Variants in GALNT14 observed in about 807,000 individuals in gnomAD.
The protein encoded by GALNT14 is polypeptide N-acetylgalactosaminyltransferase 14, also known as UDP-GalNAc:polypeptide N-acetylgalactosaminyltransferase 14.
In GALNT14, 60 loss-of-function variants were observed where a neutral mutation model predicts 77.5. The observed-to-expected ratio is 0.77, with a 90% CI of 0.63 to 0.96. The LOEUF is 0.96. GALNT14 is among the 40% of genes least tolerant of loss of function. The pLI is 0.00. For synonymous variants in GALNT14, 280 were observed against 281.7 expected (o/e 0.99, Z 0.06); for missense variants, 710 against 731.0 (o/e 0.97, Z 0.33).
intron 1 of GALNT14, among the ~76,000 whole-genome samples, chr2:31,089,594 G>A (rs1340673798): frequency 6.6e-6 from 1 of 151,936 alleles, no homozygotes; most frequent in Non-Finnish European, 1.5e-5. Context: ...TTTCTTCACT[G>A]CTTCAAGAAT....
At chr2:30,973,530 G>C (rs1173366031) in intron 2 of GALNT14, among the ~76,000 whole-genome samples, 1 of 152,198 alleles carries the variant, frequency 6.6e-6, no homozygotes, top group Non-Finnish European at 1.5e-5. Context: ...ATCTATGTAA[G>C]GAAGCCTGCT....
the GALNT14 span, among the ~76,000 whole-genome samples, chr2:30,891,952 A>G: frequency 6.8e-6 from 1 of 146,386 alleles, no homozygotes; most frequent in Non-Finnish European, 1.5e-5. Context: ...TAAATCTCCC[A>G]GGCAGGAAAC....
intron 9 of GALNT14, among the ~76,000 whole-genome samples, chr2:30,935,966 G>A (rs1474933840): frequency 6.6e-6 from 1 of 152,148 alleles, no homozygotes; most frequent in African/African-American, 2.4e-5. Context: ...GAACAAAAAA[G>A]AATTGTGTAG....
intron 1 of GALNT14, among the ~76,000 whole-genome samples, chr2:31,088,939 G>C (rs562219505): frequency 6.6e-6 from 1 of 152,312 alleles, no homozygotes; most frequent in East Asian, 1.9e-4. Context: ...GGAAACAGCA[G>C]ATGCAGATAC....
At chr2:30,888,215 T>A in the GALNT14 span, among the ~76,000 whole-genome samples, 1 of 152,226 alleles carries the variant, frequency 6.6e-6, no homozygotes, top group Non-Finnish European at 1.5e-5. Context: ...ACTCTAAGAC[T>A]GAGCTAGCTT....
chr2:30,970,998 G>C (rs751883008), intron 2 of GALNT14, among the ~76,000 whole-genome samples: 1 of 152,144 alleles, frequency 6.6e-6, no homozygotes, highest in Non-Finnish European at 1.5e-5. Flanking sequence ...TCTGGTGCTC[G>C]TCCCTACAGT....
At chr2:31,055,367 T>G (rs1409100897) in intron 1 of GALNT14, among the ~76,000 whole-genome samples, 2 of 152,226 alleles carry the variant, frequency 1.3e-5, no homozygotes, top group Admixed American at 6.5e-5. Context: ...GAATAGCACT[T>G]TAAACGCTTC....
chr2:30,936,671 T>A (rs1055989796), intron 9 of GALNT14, among the ~76,000 whole-genome samples: 1 of 152,164 alleles, frequency 6.6e-6, no homozygotes, highest in Non-Finnish European at 1.5e-5. Context: ...GCAAGTTCTG[T>A]TATTACTCTT....
intron 1 of GALNT14, among the ~76,000 whole-genome samples, chr2:31,037,216 T>C (rs904445864): frequency 6.6e-6 from 1 of 152,210 alleles, no homozygotes; most frequent in African/African-American, 2.4e-5. Flanking sequence ...AGTTAACCTA[T>C]TTGCAAGTTT....
rs374782674 is a variant in GALNT14, at chr2:30,924,113, C to A, written c.1380+6G>T. 25 of 1,614,230 alleles carry A rather than the reference C, an allele frequency of 1.5e-5. No individual in the cohort carries two copies. In the African/African-American group the frequency reaches 3.1e-4, roughly 20 times the overall value. Reference sequence around the variant, plus strand: ...ATGGTCCTGTATGCCCAGCCAGTTACTTTACCTGGGACTTTGCATCTTCGC... The same window carrying A: ...ATGGTCCTGTATGCCCAGCCAGTTAATTTACCTGGGACTTTGCATCTTCGC... On this transcript the variant is annotated splice_donor_region_variant and intron_variant, in intron 13 of 14. Coordinates refer to ENST00000349752, the MANE Select transcript of GALNT14 (RefSeq NM_024572.4).
chr2:30,908,212 G>A (rs1477009487), downstream of GALNT14, among the ~76,000 whole-genome samples: 41 of 151,224 alleles, frequency 2.7e-4, no homozygotes, highest in African/African-American at 1.0e-3. Context: ...TCTGGCCAGG[G>A]CAATCAGGCA....
rs78654916 is a variant in GALNT14, at chr2:30,963,496, C to T, written c.398+2708G>A. On this transcript the variant is annotated intron_variant, in intron 3 of 14. Coordinates refer to ENST00000349752, the MANE Select transcript of GALNT14 (RefSeq NM_024572.4). ...AGCGGCAGGAAGAGGAGAAACATGTCTTAGAGTCTGAGCACAGCAGCTAAG... is the reference window on the plus strand; with the variant it reads ...AGCGGCAGGAAGAGGAGAAACATGTTTTAGAGTCTGAGCACAGCAGCTAAG... 2.7e-3 allele frequency among the ~76,000 whole-genome samples: 410 copies of T among 152,252 alleles called. 3 individuals carry two copies. Among genetic ancestry groups the T allele is most frequent in the African/African-American group, 9.6e-3 (400 of 41,554 alleles).
chr2:31,095,146 C>A (rs1356530422), intron 1 of GALNT14, among the ~76,000 whole-genome samples: 1 of 152,096 alleles, frequency 6.6e-6, no homozygotes, highest in Non-Finnish European at 1.5e-5. Context: ...AAACAGGGGG[C>A]AACAACCCAG....
chr2:30,956,923 C>T (rs575805757), intron 4 of GALNT14, among the ~76,000 whole-genome samples: 144 of 152,314 alleles, frequency 9.5e-4, no homozygotes, highest in African/African-American at 3.2e-3. Context: ...AGCTCACAGA[C>T]CTGCTTTTGG....
rs1054201829 is a variant in GALNT14 at position 31,004,438 on chromosome 2, A to G, written c.130-11431T>C. Among the ~76,000 whole-genome samples the G allele has an allele frequency of 3.9e-5, 6 of 152,320 alleles. 1 individual carries two copies. The highest frequency in any genetic ancestry group is 3.4e-3 in the Middle Eastern group (1 of 294). On this transcript the variant is annotated intron_variant, in intron 1 of 14. Coordinates refer to ENST00000349752, the MANE Select transcript of GALNT14 (RefSeq NM_024572.4). Reference sequence around the variant, plus strand: ...TAGAGCAAAGCTGGAAGTGACTCAGAGAGGGCAGCTTCAGCTGGATGGAGC... The same window carrying G: ...TAGAGCAAAGCTGGAAGTGACTCAGGGAGGGCAGCTTCAGCTGGATGGAGC...
rs1558547371 is a variant in GALNT14 at position 31,072,296 on chromosome 2, C to T, written c.129+65662G>A. ...ACACACACACATACACACACACACA[C>T]ACACACATACACACACACACACACA... On this transcript the variant is annotated intron_variant, in intron 1 of 14. Transcript: ENST00000349752. Among the ~76,000 whole-genome samples, 319 of 65,920 alleles carry T rather than the reference C, an allele frequency of 4.8e-3. 4 individuals carry two copies. Among genetic ancestry groups the T allele is most frequent in the African/African-American group, 0.027 (300 of 10,934 alleles). The allele number at this position is 65,920 out of a possible 152,430, so 43.2% of individuals were successfully genotyped here.
chr2:30,903,590 G>C, the GALNT14 span, among the ~76,000 whole-genome samples: 1 of 152,214 alleles, frequency 6.6e-6, no homozygotes, highest in Non-Finnish European at 1.5e-5. Flanking sequence ...AACAACTGCT[G>C]AGTGAGCTTG....
chr2:31,120,199 T>C (rs1334842765), intron 1 of GALNT14, among the ~76,000 whole-genome samples: 1 of 150,380 alleles, frequency 6.6e-6, no homozygotes, highest in East Asian at 1.9e-4. Context: ...AGCTGACCAG[T>C]AGGATTTCTA....
intron 1 of GALNT14, among the ~76,000 whole-genome samples, chr2:31,030,388 T>G (rs931828550): frequency 3.3e-5 from 5 of 152,068 alleles, no homozygotes; most frequent in African/African-American, 1.2e-4. Context: ...ATTCTAGGTA[T>G]GTTTAGCAAA....
Sources: gnomAD v4.1 joint callset for allele counts (sites outside exome capture counted in the v4.1 genomes callset) on GRCh38, gnomAD v4.1.1 for gene constraint, MANE v1.5 for transcripts, NCBI Gene and HGNC (gene_info 2026-07-23, HGNC 2026-07-21) for gene names.